TTC34: variants seen among roughly 807,000 people sequenced by gnomAD.
The protein encoded by TTC34 is tetratricopeptide repeat protein 34.
TTC34 carries 44 observed loss-of-function variants against 40.7 expected under a neutral mutation model. That is an observed-to-expected ratio of 1.08 (90% CI 0.85 to 1.39). The LOEUF (loss-of-function observed/expected upper bound fraction) is 1.39. TTC34 is among the 40% of genes most tolerant of loss of function. The pLI is 0.00. For missense variants in TTC34, 884 were observed against 838.0 expected, an observed-to-expected ratio of 1.05 and a Z score of -0.68; for synonymous variants, 422 against 398.6, an observed-to-expected ratio of 1.06 and a Z score of -0.70.
At chr1:2,685,171 A>G (rs1199212511) in intron 6 of TTC34, among the ~76,000 whole-genome samples, 2 of 141,220 alleles carry the variant, frequency 1.4e-5, no homozygotes, top group African/African-American at 5.7e-5. Context: ...CCACGTGAGC[A>G]TCTGACTGCC....
intron 6 of TTC34, among the ~76,000 whole-genome samples, chr1:2,769,690 C>T (rs1295399569): frequency 1.1e-5 from 1 of 87,158 alleles, no homozygotes; most frequent in East Asian, 3.8e-4. Context: ...GAGCATCTGA[C>T]AGTCTGGAGC....
At chr1:2,750,021 G>A (rs1314650463) in intron 6 of TTC34, among the ~76,000 whole-genome samples, 3 of 90,218 alleles carry the variant, frequency 3.3e-5, no homozygotes, top group African/African-American at 1.1e-4. Context: ...GCGAGCATCC[G>A]ACAGCCTGGA....
intron 4 of TTC34, among the ~76,000 whole-genome samples, chr1:2,786,841 G>A (rs1569964067): frequency 6.6e-6 from 1 of 152,184 alleles, no homozygotes; most frequent in East Asian, 1.9e-4. Context: ...GGTTCCCCAA[G>A]CTGAGCAAGA....
exon 9 of TTC34, chr1:2,641,701 C>T: frequency 1.3e-6 from 2 of 1,535,536 alleles, no homozygotes; most frequent in Non-Finnish European, 8.7e-7. Context: ...GGTCACCATC[C>T]CCCAGCGCCT....
intron 6 of TTC34, among the ~76,000 whole-genome samples, chr1:2,655,454 C>G (rs1570761425): frequency 8.2e-6 from 1 of 121,428 alleles, no homozygotes; most frequent in Non-Finnish European, 1.7e-5. Flanking sequence ...GCACCCACAC[C>G]CCCAGGTGAG....
intron 6 of TTC34, among the ~76,000 whole-genome samples, chr1:2,779,171 G>T (rs868610565): frequency 6.6e-6 from 1 of 152,108 alleles, no homozygotes; most frequent in African/African-American, 2.4e-5. Context: ...CCCATCCATC[G>T]GTGGACACCT....
At chr1:2,699,016 G>A (rs1428213041) in intron 6 of TTC34, among the ~76,000 whole-genome samples, 1 of 139,792 alleles carries the variant, frequency 7.2e-6, no homozygotes, top group African/African-American at 2.5e-5. Flanking sequence ...CACACCACCA[G>A]GTGAGCATCT....
intron 6 of TTC34, among the ~76,000 whole-genome samples, chr1:2,651,587 A>G (rs1164466103): frequency 6.6e-6 from 1 of 151,234 alleles, no homozygotes; most frequent in Non-Finnish European, 1.5e-5. Flanking sequence ...AGCCTGGAAC[A>G]GCACCCCACA....
At position 2,681,585 on chromosome 1, in the gene TTC34, C is replaced by G. The variant is rs554343063; in HGVS notation, c.2227-36022G>C. Among the ~76,000 whole-genome samples the G allele has an allele frequency of 8.1e-5, 5 of 61,934 alleles. 2 individuals are homozygous for G. Among genetic ancestry groups the G allele is most frequent in the Admixed American group, 3.1e-4 (2 of 6,454 alleles). 40.6% of individuals were successfully genotyped at this position (61,934 alleles called of 152,430 possible). On this transcript the variant is annotated intron_variant, in intron 6 of 8. Coordinates refer to ENST00000401095, the Ensembl canonical transcript of TTC34. ...CTGATGGTCTGGAGCAGCATCCACA[C>G]CCACAGGTGAGCATCAGACAGCCTG...
chr1:2,694,072 A>T (rs1569610158), intron 6 of TTC34, among the ~76,000 whole-genome samples: 2 of 148,488 alleles, frequency 1.3e-5, no homozygotes, highest in Admixed American at 6.7e-5. Flanking sequence ...CCACACACCC[A>T]GGTGAGCATC....
At chr1:2,757,713 C>T (rs1191394930) in intron 6 of TTC34, among the ~76,000 whole-genome samples, 897 of 145,204 alleles carry the variant, frequency 6.2e-3, no homozygotes, top group Admixed American at 9.3e-3. Flanking sequence ...ACCCCACACC[C>T]ACAGGTGAGC....
At position 2,796,289 on chromosome 1, in the gene TTC34, C is replaced by T. The variant is rs1365018600; in HGVS notation, c.784+3755G>A. On this transcript the variant is annotated intron_variant, in intron 2 of 8. Transcript: ENST00000401095. This position sits in a 1 kb window ranked among gnomAD's most constrained non-coding sequence, Gnocchi z 4.5. Reference sequence around the variant, plus strand: ...TGTTTCCAAGGACTTTGGAAAGTAACCTCCAGATGGAAGGTCATTTGTTGC... The same window carrying T: ...TGTTTCCAAGGACTTTGGAAAGTAATCTCCAGATGGAAGGTCATTTGTTGC... Among the ~76,000 whole-genome samples the T allele has an allele frequency of 6.6e-6, 1 of 152,216 alleles. No homozygotes were observed. The highest frequency in any genetic ancestry group is 1.5e-5 in the Non-Finnish European group (1 of 68,046).
At chr1:2,759,285 G>T (rs1641611447) in intron 6 of TTC34, among the ~76,000 whole-genome samples, 3 of 116,790 alleles carry the variant, frequency 2.6e-5, no homozygotes, top group Non-Finnish European at 5.3e-5. Flanking sequence ...ACCCCCAGGC[G>T]AGCATCTGAC....
exon 5 of TTC34, chr1:2,785,904 G>A (rs867275349): frequency 2.6e-6 from 4 of 1,538,328 alleles, no homozygotes; most frequent in Non-Finnish European, 3.5e-6. Context: ...GTGCCCGCAG[G>A]ATGGCCAGGG....
At chr1:2,687,278 C>T (rs1265066909) in intron 6 of TTC34, among the ~76,000 whole-genome samples, 1 of 143,470 alleles carries the variant, frequency 7.0e-6, no homozygotes, top group Non-Finnish European at 1.5e-5. Context: ...TGGAGCAGCA[C>T]CCACAACCAC....
Position 2,684,597 on chromosome 1 carries a change from C to A in TTC34, c.2227-39034G>T, listed in dbSNP as rs71630989. Among the ~76,000 whole-genome samples, 7 of 138,062 alleles carry A rather than the reference C, an allele frequency of 5.1e-5. No homozygotes were observed. In the South Asian group the frequency reaches 6.7e-4, roughly 13 times the overall value. The allele number at this position is 138,062 out of a possible 152,430, so 90.6% of individuals were successfully genotyped here. On this transcript the variant is annotated intron_variant, in intron 6 of 8. Coordinates refer to ENST00000401095, the Ensembl canonical transcript of TTC34. ...CGATAGCCTGGAGCAACACCCATAC[C>A]CCCAGGTGAGCATCTGACCGCATGG...
intron 6 of TTC34, among the ~76,000 whole-genome samples, chr1:2,751,347 G>T (rs1641312454): frequency 6.1e-5 from 8 of 132,146 alleles, no homozygotes; most frequent in African/African-American, 8.8e-5. Flanking sequence ...GCATCTGACA[G>T]CCTGGGTCGG....
At position 2,645,444 on chromosome 1, in the gene TTC34, G is replaced by T; in HGVS notation, c.2346C>A (p.Cys782Ter). Residue 782 changes from cysteine to a stop codon, truncating the protein, a stop_gained, in exon 7 of 9, where the codon TGC (cysteine) becomes TGA (stop). Coordinates refer to ENST00000401095, the Ensembl canonical transcript of TTC34. LOFTEE classifies it high-confidence loss of function. This position sits in a 1 kb window ranked among gnomAD's most constrained non-coding sequence, Gnocchi z 4.7. Reference sequence around the variant, plus strand: ...CTGGCAGCTGGCTCAGAAGGGCCCGGCAGTGGGAGTAGAGGCCCTGTGTGA... The same window carrying T: ...CTGGCAGCTGGCTCAGAAGGGCCCGTCAGTGGGAGTAGAGGCCCTGTGTGA... The T allele has an allele frequency of 1.3e-6, 2 of 1,535,526 alleles. No individual in the cohort carries two copies. Among genetic ancestry groups the T allele is most frequent in the Non-Finnish European group, 1.7e-6 (2 of 1,146,680 alleles).
intron 6 of TTC34, among the ~76,000 whole-genome samples, chr1:2,683,555 A>T (rs1354204358): frequency 1.1e-5 from 1 of 93,378 alleles, no homozygotes; most frequent in Admixed American, 1.2e-4. Flanking sequence ...ACCCACAACC[A>T]CAGGTGAGCA....
Sources: allele counts gnomAD v4.1 joint callset (sites outside exome capture counted in the v4.1 genomes callset), GRCh38; gene constraint gnomAD v4.1.1; non-coding constraint Gnocchi (gnomAD v3.1); transcripts MANE v1.5; gene names NCBI Gene and HGNC (gene_info 2026-07-23, HGNC 2026-07-21).